Variants in CDH18 observed in about 807,000 individuals in gnomAD.
CDH18 encodes cadherin 18.
In CDH18, 31 loss-of-function variants were observed where a neutral mutation model predicts 67.9. That is an observed-to-expected ratio of 0.46 (90% CI 0.34 to 0.62). The LOEUF (loss-of-function observed/expected upper bound fraction) is 0.62, where lower values mean the gene tolerates loss of function less well. Ranked by LOEUF, CDH18 falls within the 20% of genes least tolerant of loss-of-function variation. CDH18 has a pLI of 0.01. For synonymous variants in CDH18, 362 were observed against 347.2 expected (o/e 1.04, Z -0.48); for missense variants, 890 against 975.5 (o/e 0.91, Z 1.17).
chr5:19,564,654 G>C (rs1740039799), intron 8 of CDH18, among the ~76,000 whole-genome samples: 1 of 152,102 alleles, frequency 6.6e-6, no homozygotes, highest in Admixed American at 6.6e-5. Context: ...TATGGGGAGA[G>C]ACTCTTCCTG....
At chr5:20,463,642 A>G (rs1389317131) in intron 1 of CDH18, among the ~76,000 whole-genome samples, 1 of 152,138 alleles carries the variant, frequency 6.6e-6, no homozygotes, top group African/African-American at 2.4e-5. Flanking sequence ...AATTACCTCT[A>G]CAGGGTCTTT....
chr5:19,642,913 C>G (rs751240139), intron 5 of CDH18, among the ~76,000 whole-genome samples: 1 of 151,934 alleles, frequency 6.6e-6, no homozygotes, highest in Non-Finnish European at 1.5e-5. Flanking sequence ...TATCTGCAAA[C>G]TATATATCTG....
intron 5 of CDH18, among the ~76,000 whole-genome samples, chr5:19,620,198 A>G (rs921659256): frequency 6.6e-6 from 1 of 152,222 alleles, no homozygotes; most frequent in Non-Finnish European, 1.5e-5. Context: ...ATGGTGAAGT[A>G]GTTTATTTCT....
At chr5:20,382,629 GA>G (rs1169254569) in intron 1 of CDH18, among the ~76,000 whole-genome samples, 1 of 152,106 alleles carries the variant, frequency 6.6e-6, no homozygotes, top group African/African-American at 2.4e-5. Flanking sequence ...AGATGAACAG[GA>G]GGAATGGAGC....
chr5:20,029,747 G>GT lies in CDH18; in HGVS notation c.-517-37734dup, dbSNP rs555741521. ...GCATTATTCCAAAACATGATAAAAT[G>GT]TAACTGTATTAGTTTCTTTTCCTGT... On this transcript the variant is annotated intron_variant, in intron 2 of 14. Coordinates refer to the CDH18 transcript ENST00000507958. Among the ~76,000 whole-genome samples the GT allele has an allele frequency of 3.3e-5, 5 of 152,294 alleles. No individual in the cohort carries two copies. The South Asian group carries it at 1.0e-3, about 32-fold the overall frequency.
intron 3 of CDH18, among the ~76,000 whole-genome samples, chr5:19,810,528 C>T (rs370692501): frequency 3.3e-5 from 5 of 151,400 alleles, no homozygotes; most frequent in East Asian, 2.0e-4. Flanking sequence ...TAGAATGAAA[C>T]GAGGATGAAA....
chr5:20,555,100 T>A (rs1581193549), intron 1 of CDH18, among the ~76,000 whole-genome samples: 1 of 152,214 alleles, frequency 6.6e-6, no homozygotes. Context: ...TAAGTTTAAA[T>A]AAAGACATAA....
intron 1 of CDH18, among the ~76,000 whole-genome samples, chr5:20,522,288 A>C (rs1755792764): frequency 6.6e-6 from 1 of 152,174 alleles, no homozygotes; most frequent in Admixed American, 6.5e-5. Context: ...CTGATGTTTT[A>C]TTACAGTACC....
intron 1 of CDH18, among the ~76,000 whole-genome samples, chr5:20,545,154 C>G (rs1757271292): frequency 6.6e-6 from 1 of 152,184 alleles, no homozygotes; most frequent in Admixed American, 6.5e-5. Flanking sequence ...GGGGTGGGCT[C>G]CCAAGGCCTT....
intron 5 of CDH18, among the ~76,000 whole-genome samples, chr5:19,631,888 G>A (rs981729635): frequency 2.0e-5 from 3 of 151,550 alleles, no homozygotes; most frequent in African/African-American, 7.3e-5. Context: ...TTTTTTCTAG[G>A]TTATATCTGT....
intron 2 of CDH18, among the ~76,000 whole-genome samples, chr5:20,142,807 A>C (rs1750349609): frequency 6.6e-6 from 1 of 152,150 alleles, no homozygotes. Flanking sequence ...TCTCATGAGA[A>C]ACCAACCATG....
chr5:19,992,449 T>TA (rs548977890), upstream of CDH18, among the ~76,000 whole-genome samples: 3,578 of 128,556 alleles, frequency 0.028, 62 homozygotes, highest in African/African-American at 0.053. Flanking sequence ...ATGCCAGACT[T>TA]AAAAAAAAAA....
chr5:19,689,939 G>A (rs963400711), intron 5 of CDH18, among the ~76,000 whole-genome samples: 13 of 151,512 alleles, frequency 8.6e-5, no homozygotes, highest in Admixed American at 5.3e-4. Context: ...CATACAAATG[G>A]AAACCCAAGG....
chr5:19,929,281 G>A (rs1793427861), intron 2 of CDH18, among the ~76,000 whole-genome samples: 1 of 151,920 alleles, frequency 6.6e-6, no homozygotes. Flanking sequence ...AATCACTTAG[G>A]TTTAGTTTGG....
At position 19,483,413 on chromosome 5, in the gene CDH18, T is replaced by C. The variant is rs1739822766; in HGVS notation, c.1770A>G (p.Ala590=). ...SSSTLTIRVC[A]CERDGRVRTC... ...TCCGCACACGCCCATCTCTCTCGCA[T>C]GCACAAACCCTGATGGTGAGGGTGC... Residue 590 remains alanine (A), a synonymous_variant, in exon 12 of 13, where the codon GCA becomes GCG. Transcript: ENST00000382275. 3 of 1,614,112 alleles carry C rather than the reference T, an allele frequency of 1.9e-6. No homozygotes were observed. The East Asian group carries it at 6.7e-5, about 36-fold the overall frequency.
chr5:20,101,471 C>A (rs1746458727), intron 2 of CDH18, among the ~76,000 whole-genome samples: 1 of 152,134 alleles, frequency 6.6e-6, no homozygotes, highest in South Asian at 2.1e-4. Flanking sequence ...ATGACTCTAA[C>A]AGCAGATTTA....
At chr5:19,961,456 T>C (rs1042750248) in intron 2 of CDH18, among the ~76,000 whole-genome samples, 1 of 152,060 alleles carries the variant, frequency 6.6e-6, no homozygotes, top group Non-Finnish European at 1.5e-5. Context: ...GGTTTGTTAT[T>C]GACCTAAACT....
At chr5:20,224,520 G>GT (rs35344539) in intron 2 of CDH18, among the ~76,000 whole-genome samples, 2,770 of 148,068 alleles carry the variant, frequency 0.019, 57 homozygotes, top group African/African-American at 0.047. Flanking sequence ...AAATCCTTAG[G>GT]TTTTTTTTTT....
At chr5:19,497,493 G>C (rs1242428435) in intron 11 of CDH18, among the ~76,000 whole-genome samples, 1 of 152,072 alleles carries the variant, frequency 6.6e-6, no homozygotes, top group Non-Finnish European at 1.5e-5. Context: ...CATTAAAGAA[G>C]ACATTTGTTC....
Sources: allele counts gnomAD v4.1 joint callset (sites outside exome capture counted in the v4.1 genomes callset), GRCh38; gene constraint gnomAD v4.1.1; transcripts MANE v1.5; gene names NCBI Gene and HGNC (gene_info 2026-07-23, HGNC 2026-07-21).